The following ATG16L1 variants were observed in gnomAD, a reference collection of about 807,000 sequenced individuals.
The protein encoded by ATG16L1 is autophagy-related protein 16-1.
Under a neutral mutation model 88.5 loss-of-function variants are expected in ATG16L1, and 37 were observed. The ratio of observed to expected loss-of-function variants is 0.42; its 90% CI spans 0.32 to 0.55. The LOEUF (loss-of-function observed/expected upper bound fraction) is 0.55, where lower values mean the gene tolerates loss of function less well. Ranked by LOEUF, ATG16L1 falls within the 20% of genes least tolerant of loss-of-function variation. The pLI, the probability that ATG16L1 is intolerant of heterozygous loss-of-function variation, is 0.13. For synonymous variants in ATG16L1, 301 were observed against 281.0 expected, an observed-to-expected ratio of 1.07 and a Z score of -0.71; for missense variants, 554 against 752.8, an observed-to-expected ratio of 0.74 and a Z score of 3.09.
rs576747149 is a variant in ATG16L1, at chr2:233,263,157, C to T, written c.237C>T (p.Asp79=). Residue 79 remains aspartate, a synonymous_variant, in exon 3 of 18, where the codon GAC becomes GAT. Coordinates refer to ENST00000392017, the MANE Select transcript of ATG16L1 (RefSeq NM_030803.7). ...CCGGACATGATGGCACATGGAATGA[C>T]AATCAGCTACAAGAAATGGCCCAAC... ...ISPGHDGTWN[D]NQLQEMAQLR... is the part of the protein sequence containing the mutation. 1.9e-5 allele frequency: 30 copies of T among 1,614,060 alleles called. No homozygotes were observed. The South Asian group carries it at 2.9e-4, about 15-fold the overall frequency.
chr2:233,278,951 G>T (rs1698551536), intron 10 of ATG16L1, among the ~76,000 whole-genome samples: 1 of 152,180 alleles, frequency 6.6e-6, no homozygotes. Flanking sequence ...GGGGCAAGAG[G>T]ATTGCTTGAG....
chr2:233,280,838 G>A (rs144668894), intron 10 of ATG16L1, among the ~76,000 whole-genome samples: 33 of 152,306 alleles, frequency 2.2e-4, no homozygotes, highest in African/African-American at 7.0e-4. Flanking sequence ...TAAAGAGAAT[G>A]AATAACTACA....
In ATG16L1 at chr2:233,251,878, C is replaced by T. The variant is rs1478714828; in HGVS notation, c.51C>T (p.Ile17=). 1.3e-6 allele frequency: 2 copies of T among 1,550,906 alleles called. No homozygotes were observed. Among genetic ancestry groups the T allele is most frequent in the Non-Finnish European group, 1.7e-6 (2 of 1,147,598 alleles). The change falls in exon 1 of 18, where the codon ATC becomes ATT. Residue 17 remains isoleucine, a synonymous_variant. Transcript: ENST00000392017. ...AADFPRWKRH[I]SEQLRRRDRL... is the part of the protein sequence containing the mutation. ...ACTTCCCCCGCTGGAAGCGCCACAT[C>T]TCGGAGCAACTGAGGCGCCGGGACC...
At chr2:233,279,155 G>A (rs1698565015) in intron 10 of ATG16L1, among the ~76,000 whole-genome samples, 1 of 152,200 alleles carries the variant, frequency 6.6e-6, no homozygotes, top group Non-Finnish European at 1.5e-5. Context: ...TCCAGCATGG[G>A]CAGCAGAGCA....
chr2:233,263,940 A>G, intron 3 of ATG16L1, 52 bp from the exon 4 acceptor site: 2 of 1,580,958 alleles, frequency 1.3e-6, no homozygotes, highest in Middle Eastern at 1.7e-4. Context: ...TGTAGTTTCC[A>G]AATGAGGTCC....
intron 14 of ATG16L1, 45 bp from the exon 15 acceptor site, chr2:233,292,075 TGTGAAGTA>T: frequency 6.3e-7 from 1 of 1,591,104 alleles, no homozygotes; most frequent in Non-Finnish European, 8.6e-7. Flanking sequence ...CACGGCATGA[TGTGAAGTA>T]GTTCTGGCCT....
In ATG16L1 at chr2:233,294,901, T is replaced by C. The variant is rs1045095; in HGVS notation, c.*551T>C. The stretch of plus-strand genomic sequence containing the variant: ...CTGCTGAAATGTCCTCACATCTCTT[T>C]CACTGTTCTTCAGAGCTTTCTGGCT... On this transcript the variant is annotated 3_prime_UTR_variant, in exon 18 of 18. Coordinates refer to ENST00000392017, the MANE Select transcript of ATG16L1 (RefSeq NM_030803.7). 105,945 of 152,532 alleles carry C rather than the reference T, an allele frequency of 0.69. 37,144 individuals carry two copies. The highest frequency in any genetic ancestry group is 0.8 in the South Asian group (3,854 of 4,824). 9.4% of individuals were successfully genotyped at this position (152,532 alleles called of 1,614,324 possible).
chr2:233,282,935 T>G, intron 12 of ATG16L1, 182 bp downstream of exon 12: 1 of 566,126 alleles, frequency 1.8e-6, no homozygotes, highest in South Asian at 2.1e-5. Context: ...TGTCCAAAAC[T>G]CAGTTTCAAA....
chr2:233,283,341 A>G (rs1389083183), intron 12 of ATG16L1, among the ~76,000 whole-genome samples: 1 of 151,970 alleles, frequency 6.6e-6, no homozygotes, highest in African/African-American at 2.4e-5. Context: ...CATGTAACTT[A>G]ATTTGCAGAC....
intron 10 of ATG16L1, among the ~76,000 whole-genome samples, chr2:233,278,145 C>T (rs959008965): frequency 5.3e-5 from 8 of 152,082 alleles, no homozygotes; most frequent in African/African-American, 1.7e-4. Context: ...GAAACAGAGG[C>T]GTACTACCTA....
At chr2:233,265,936 A>G (rs1697539670) in intron 5 of ATG16L1, 1 of 152,276 alleles carries the variant, frequency 6.6e-6, no homozygotes, top group Non-Finnish European at 1.5e-5. Context: ...AAGCTGCCCC[A>G]GAGAGCCCAG....
rs1163915562 is a variant in ATG16L1 at position 233,294,293 on chromosome 2, C to T, written c.1767C>T (p.Gly589=). The T allele has an allele frequency of 1.2e-6, 2 of 1,611,968 alleles. No individual in the cohort carries two copies. The highest frequency in any genetic ancestry group is 1.7e-6 in the Non-Finnish European group (2 of 1,179,240). The change falls in exon 18 of 18, where the codon GGC becomes GGT. Residue 589 remains glycine (G), a synonymous_variant. Transcript: ENST00000392017. ...ATGCGGTGGCGTGGTCGCCCTCTGGCTCGCACGTTGTCAGTGTGGACAAAG... is the reference window on the plus strand; with the variant it reads ...ATGCGGTGGCGTGGTCGCCCTCTGGTTCGCACGTTGTCAGTGTGGACAAAG... ...SINAVAWSPS[G]SHVVSVDKGC...
chr2:233,264,391 G>C (rs889723526), intron 4 of ATG16L1, among the ~76,000 whole-genome samples: 2 of 152,198 alleles, frequency 1.3e-5, no homozygotes, highest in African/African-American at 4.8e-5. Flanking sequence ...GGCCAGGATA[G>C]CTGAGCGCAT....
intron 10 of ATG16L1, among the ~76,000 whole-genome samples, chr2:233,280,868 C>G (rs1230411345): frequency 6.6e-6 from 1 of 152,210 alleles, no homozygotes; most frequent in Non-Finnish European, 1.5e-5. Context: ...GAACAGAACA[C>G]ACATCCAAGA....
chr2:233,251,731 C>A lies in ATG16L1; in HGVS notation c.-97C>A. On this transcript the variant is annotated 5_prime_UTR_variant, in exon 1 of 18. Transcript: ENST00000392017. ...GTGTGGAGGTGAGCTCCGGGATTGC[C>A]GGCATTCCCGCTTCTGCTGGTTGCT... 1.8e-6 allele frequency: 2 copies of A among 1,127,024 alleles called. No homozygotes were observed. The highest frequency in any genetic ancestry group is 1.6e-5 in the African/African-American group (1 of 63,988). 69.8% of individuals were successfully genotyped at this position (1,127,024 alleles called of 1,614,324 possible). A position where few individuals can be genotyped will look rare whatever the true frequency, so the allele number is the denominator to read the frequency against.
At position 233,292,302 on chromosome 2, in the gene ATG16L1, TG is replaced by T. The variant is rs751647627; in HGVS notation, c.1580+26del. ...GGTAACTGAAGATGTGCTGGTTGCATGAAGACCAGAGGCCCAGCCCTGCTCT... is the reference window on the plus strand; with the variant it reads ...GGTAACTGAAGATGTGCTGGTTGCATAAGACCAGAGGCCCAGCCCTGCTCT... On this transcript the variant is annotated intron_variant, in intron 15 of 17. Coordinates refer to ENST00000392017, the MANE Select transcript of ATG16L1 (RefSeq NM_030803.7). 18 of 1,613,678 alleles carry T rather than the reference TG, an allele frequency of 1.1e-5. No individual in the cohort carries two copies. The African/African-American group carries it at 2.4e-4, about 22-fold the overall frequency.
At chr2:233,254,135 G>A (rs1289985123) in intron 1 of ATG16L1, among the ~76,000 whole-genome samples, 2 of 151,856 alleles carry the variant, frequency 1.3e-5, no homozygotes, top group Non-Finnish European at 2.9e-5. Flanking sequence ...GACACAAATG[G>A]AATGTTTTCC....
intron 9 of ATG16L1, chr2:233,275,402 A>G: frequency 7.1e-6 from 2 of 281,356 alleles, no homozygotes; most frequent in Admixed American, 4.6e-5. Context: ...GGTAGGAAAC[A>G]GAGCACAAAG....
intron 14 of ATG16L1, among the ~76,000 whole-genome samples, chr2:233,290,816 C>A (rs1286848880): frequency 6.6e-6 from 1 of 152,080 alleles, no homozygotes; most frequent in Admixed American, 6.6e-5. Context: ...GGCAAGTGAG[C>A]AGGAAACAGG....
Sources: allele counts gnomAD v4.1 joint callset (sites outside exome capture counted in the v4.1 genomes callset), GRCh38; gene constraint gnomAD v4.1.1; transcripts MANE v1.5; gene names NCBI Gene and HGNC (gene_info 2026-07-23, HGNC 2026-07-21).